Variants in KIF20B observed in about 807,000 individuals in gnomAD.
KIF20B encodes kinesin-like protein KIF20B.
A neutral mutation model predicts 232.5 loss-of-function variants in KIF20B; 188 were observed. The ratio of observed to expected loss-of-function variants is 0.81; its 90% CI spans 0.72 to 0.91. The LOEUF is 0.91. Among genes scored for constraint, KIF20B ranks in the 40% least tolerant of loss-of-function variants. The probability of loss-of-function intolerance (pLI) is 0.00; values close to 1 mark genes in which losing one functional copy is unlikely to be tolerated. For missense variants in KIF20B, 2,154 were observed against 2,055.9 expected, an observed-to-expected ratio of 1.05 and a Z score of -0.92; for synonymous variants, 712 against 683.0, an observed-to-expected ratio of 1.04 and a Z score of -0.66.
chr10:89,715,116 T>C lies in KIF20B; in HGVS notation c.874T>C (p.Ser292Pro). The C allele has an allele frequency of 6.2e-7, 1 of 1,609,026 alleles. No individual in the cohort carries two copies. The highest frequency in any genetic ancestry group is 8.5e-7 in the Non-Finnish European group (1 of 1,178,114). Residue 292 changes from serine (S) to proline (P), a missense_variant, in exon 8 of 33, where the codon TCT becomes CCT. Ser to Pro is a moderately conservative substitution (Grantham distance 74, BLOSUM62 -1). Coordinates refer to ENST00000371728, the MANE Select transcript of KIF20B (RefSeq NM_001284259.2). ...TTATGACTTATTTGTTCCTGTATCA[T>C]CTAAATTCCAAAAGAGAAAGATGCT... ...YIYDLFVPVSSKFQKRKMLRL... is the reference protein window; with the variant it reads ...YIYDLFVPVSPKFQKRKMLRL...
chr10:89,741,364 C>T (rs1369635491), intron 21 of KIF20B, among the ~76,000 whole-genome samples: 2 of 152,182 alleles, frequency 1.3e-5, no homozygotes, highest in Admixed American at 1.3e-4. Context: ...CTGTGTGGCC[C>T]AGTTCCTAAC....
At chr10:89,739,158 A>G in intron 21 of KIF20B, 62 bp downstream of exon 21, 1 of 1,507,732 alleles carries the variant, frequency 6.6e-7, no homozygotes. Flanking sequence ...TTATATATCA[A>G]ACTTAGACAT....
chr10:89,729,056 T>C, intron 17 of KIF20B, 72 bp from the exon 18 acceptor site: 1 of 1,200,346 alleles, frequency 8.3e-7, no homozygotes, highest in South Asian at 1.8e-5. Flanking sequence ...ACTGTTTGCA[T>C]TATTAATCAT....
chr10:89,708,268 A>G (rs1304875655), intron 2 of KIF20B, among the ~76,000 whole-genome samples: 3 of 151,160 alleles, frequency 2.0e-5, no homozygotes, highest in South Asian at 2.1e-4. Context: ...CTGGAGTGCA[A>G]TGGCGCCATC....
Position 89,736,600 on chromosome 10 carries a change from G to C in KIF20B, c.2546-787G>C, listed in dbSNP as rs1404079016. Among the ~76,000 whole-genome samples the C allele has an allele frequency of 2.0e-5, 3 of 152,138 alleles. No individual in the cohort carries two copies. The East Asian group carries it at 5.8e-4, about 29-fold the overall frequency. ...TAGCATTATTCTGTAGAGTAAGTTG[G>C]GCAGGTAAGGGTATCTTTATTCTAG... On this transcript the variant is annotated intron_variant, in intron 19 of 32. Transcript: ENST00000371728.
Position 89,721,419 on chromosome 10 carries a change from T to C in KIF20B, c.1722+1713T>C, listed in dbSNP as rs144845798. Among the ~76,000 whole-genome samples the C allele has an allele frequency of 2.6e-3, 389 of 152,234 alleles. 2 individuals are homozygous for C. The highest frequency in any genetic ancestry group is 8.1e-3 in the African/African-American group (335 of 41,566). ...TGGTGCAGTGGCTCACACCTGTAAT[T>C]CGAGCACTTTGGGAAGCTGAGGTAG... On this transcript the variant is annotated intron_variant, in intron 13 of 32. Coordinates refer to ENST00000371728, the MANE Select transcript of KIF20B (RefSeq NM_001284259.2).
chr10:89,751,293 A>C lies in KIF20B; in HGVS notation c.4097-53A>C, dbSNP rs1842017152. On this transcript the variant is annotated intron_variant, in intron 23 of 32. Coordinates refer to ENST00000371728, the MANE Select transcript of KIF20B (RefSeq NM_001284259.2). ...TTTAATTTTAGAAGAACTTAAGAAA[A>C]ATTGGATATCTAGAGGCTATTAATT... The C allele has an allele frequency of 1.3e-5, 17 of 1,327,834 alleles. 1 individual carries two copies. The South Asian group carries it at 3.1e-4, about 24-fold the overall frequency. 82.3% of individuals were successfully genotyped at this position (1,327,834 alleles called of 1,614,324 possible).
intron 19 of KIF20B, among the ~76,000 whole-genome samples, chr10:89,734,239 A>G (rs1841594313): frequency 6.6e-6 from 1 of 152,174 alleles, no homozygotes; most frequent in South Asian, 2.1e-4. Flanking sequence ...ATGAAACCCC[A>G]TCTCTACTAA....
intron 19 of KIF20B, among the ~76,000 whole-genome samples, chr10:89,734,059 A>G (rs530973089): frequency 6.6e-6 from 1 of 152,094 alleles, no homozygotes; most frequent in African/African-American, 2.4e-5. Context: ...GGGTGGGGGC[A>G]TATTCTCACT....
At position 89,701,695 on chromosome 10, in the gene KIF20B, C is replaced by G. The variant is rs1010798985; in HGVS notation, c.-2+15C>G. ...GAAGTTTGCAGGTGAGGAGGTGACCCGCGGGAATGTGTGGGGAAGGAGGTG... is the reference window on the plus strand; with the variant it reads ...GAAGTTTGCAGGTGAGGAGGTGACCGGCGGGAATGTGTGGGGAAGGAGGTG... On this transcript the variant is annotated intron_variant, in intron 1 of 32. Coordinates refer to ENST00000371728, the MANE Select transcript of KIF20B (RefSeq NM_001284259.2). 6.6e-6 allele frequency: 1 copy of G among 152,422 alleles called. No individual in the cohort carries two copies. Among genetic ancestry groups the G allele is most frequent in the Non-Finnish European group, 1.5e-5 (1 of 68,244 alleles). 9.4% of individuals were successfully genotyped at this position (152,422 alleles called of 1,614,324 possible). A position where few individuals can be genotyped will look rare whatever the true frequency, so the allele number is the denominator to read the frequency against.
chr10:89,763,508 C>T (rs955992581), intron 29 of KIF20B, among the ~76,000 whole-genome samples: 2 of 152,096 alleles, frequency 1.3e-5, no homozygotes, highest in East Asian at 1.9e-4. Flanking sequence ...AGCTAACTTG[C>T]TTGTGTATAA....
intron 21 of KIF20B, among the ~76,000 whole-genome samples, chr10:89,739,710 T>C (rs1048987245): frequency 1.3e-5 from 2 of 151,380 alleles, no homozygotes; most frequent in African/African-American, 4.9e-5. Flanking sequence ...AATACTTAAA[T>C]GTGTAAGGTC....
chr10:89,744,629 A>C (rs1841873184), intron 22 of KIF20B, among the ~76,000 whole-genome samples: 2 of 152,202 alleles, frequency 1.3e-5, no homozygotes, highest in Non-Finnish European at 1.5e-5. Context: ...TTTAAAAATG[A>C]TATTTAAAAG....
intron 9 of KIF20B, among the ~76,000 whole-genome samples, chr10:89,716,987 C>A (rs902890992): frequency 6.6e-6 from 1 of 152,090 alleles, no homozygotes; most frequent in Admixed American, 6.5e-5. Context: ...TTAAAGCAGG[C>A]TTTTTCTTAG....
chr10:89,743,003 C>T (rs1006611117), intron 21 of KIF20B, among the ~76,000 whole-genome samples: 2 of 152,086 alleles, frequency 1.3e-5, no homozygotes, highest in Admixed American at 6.6e-5. Context: ...GCCCGGCCTT[C>T]TCTATGCTTT....
chr10:89,739,543 T>C (rs1360022688), intron 21 of KIF20B, among the ~76,000 whole-genome samples: 1 of 76,202 alleles, frequency 1.3e-5, no homozygotes, highest in Non-Finnish European at 2.5e-5. Context: ...AAGTTTACCT[T>C]CACAGCATCA....
chr10:89,723,313 A>G (rs534508245), intron 13 of KIF20B, among the ~76,000 whole-genome samples: 2 of 152,320 alleles, frequency 1.3e-5, no homozygotes, highest in East Asian at 3.9e-4. Context: ...TATGTTATGA[A>G]TGTATAATGG....
chr10:89,762,909 G>T, intron 29 of KIF20B, 74 bp downstream of exon 29: 1 of 1,060,082 alleles, frequency 9.4e-7, no homozygotes, highest in Non-Finnish European at 1.4e-6. Context: ...GAGTTAAACT[G>T]CTATATTGCC....
chr10:89,766,702 AAG>A (rs1261454132), intron 29 of KIF20B, among the ~76,000 whole-genome samples: 1 of 152,122 alleles, frequency 6.6e-6, no homozygotes, highest in Non-Finnish European at 1.5e-5. Flanking sequence ...AAGCTGATGT[AAG>A]AGCAGAAATA....
Sources: allele counts gnomAD v4.1 joint callset (sites outside exome capture counted in the v4.1 genomes callset), GRCh38; gene constraint gnomAD v4.1.1; transcripts MANE v1.5; gene names NCBI Gene and HGNC (gene_info 2026-07-23, HGNC 2026-07-21).